SELP: variants seen among roughly 807,000 people sequenced by gnomAD.
The protein encoded by SELP is selectin P.
SELP carries 92 observed loss-of-function variants against 104.1 expected under a neutral mutation model. That is an observed-to-expected ratio of 0.88 (90% CI 0.75 to 1.05). The LOEUF (loss-of-function observed/expected upper bound fraction) is 1.05. SELP is among the 50% of genes least tolerant of loss of function. The probability of loss-of-function intolerance (pLI) is 0.00; values close to 1 mark genes in which losing one functional copy is unlikely to be tolerated. For synonymous variants in SELP, 397 were observed against 364.5 expected (o/e 1.09, Z -1.01); for missense variants, 1,022 against 1,017.3 (o/e 1.00, Z -0.06).
At chr1:169,603,313 G>C (rs200652707) in intron 9 of SELP, 102 bp from the exon 10 acceptor site, 10,578 of 224,074 alleles carry the variant, frequency 0.047, 212 homozygotes, top group East Asian at 0.16. Context: ...CTCTCTGTGT[G>C]TGTGTGTGTG....
chr1:169,591,510 A>G, intron 14 of SELP, 54 bp from the exon 15 acceptor site: 1 of 1,290,992 alleles, frequency 7.7e-7, no homozygotes, highest in Admixed American at 2.2e-5. Flanking sequence ...AACAAGATGA[A>G]AGAGAGGGTC....
intron 1 of SELP, among the ~76,000 whole-genome samples, chr1:169,619,518 A>G (rs1662987045): frequency 6.6e-6 from 1 of 152,232 alleles, no homozygotes; most frequent in Non-Finnish European, 1.5e-5. Context: ...TGTGTATGGA[A>G]GAAAGCTAAA....
At chr1:169,590,344 A>G in intron 15 of SELP, 142 bp from the exon 16 acceptor site, 1 of 662,282 alleles carries the variant, frequency 1.5e-6, no homozygotes, top group South Asian at 1.9e-5. Flanking sequence ...AATAAATGCC[A>G]AAGAAATATT....
intron 10 of SELP, among the ~76,000 whole-genome samples, chr1:169,600,863 G>T (rs1661872459): frequency 1.3e-5 from 2 of 152,178 alleles, no homozygotes; most frequent in South Asian, 4.1e-4. Context: ...ATCAGTCAAG[G>T]TTGATAATTC....
rs553026999 is a variant in SELP, at chr1:169,593,774, A to G, written c.2288-50T>C. On this transcript the variant is annotated intron_variant, in intron 13 of 16. Transcript: ENST00000263686. ...CAAGACATAAGAAGTGTATTATGCA[A>G]AAGACTAGTCTTTCTCTCCCAGAAA... The G allele has an allele frequency of 2.5e-6, 4 of 1,595,716 alleles. No homozygotes were observed. The East Asian group carries it at 9.0e-5, about 36-fold the overall frequency.
intron 11 of SELP, 37 bp from the exon 12 acceptor site, chr1:169,596,171 A>G (rs1157195659): frequency 5.7e-6 from 9 of 1,582,896 alleles, no homozygotes; most frequent in Non-Finnish European, 6.9e-6. Flanking sequence ...GAGACCTCCC[A>G]ATTAAAAGAA....
intron 5 of SELP, 119 bp from the exon 6 acceptor site, chr1:169,612,521 T>A: frequency 1.2e-6 from 1 of 867,988 alleles, no homozygotes; most frequent in Non-Finnish European, 1.8e-6. Context: ...GTTGATGCAC[T>A]AGAATGGTTA....
intron 16 of SELP, 54 bp downstream of exon 16, chr1:169,590,093 C>T: frequency 1.9e-5 from 23 of 1,197,160 alleles, no homozygotes; most frequent in Non-Finnish European, 1.2e-6. Flanking sequence ...TTATAGTCTT[C>T]CATTTTTCCC....
At chr1:169,625,909 T>A (rs1227737696) in intron 1 of SELP, among the ~76,000 whole-genome samples, 1 of 151,920 alleles carries the variant, frequency 6.6e-6, no homozygotes, top group East Asian at 1.9e-4. Flanking sequence ...CAAGTAAACA[T>A]GAAAAATATT....
At chr1:169,612,059 C>T (rs1402669094) in intron 6 of SELP, among the ~76,000 whole-genome samples, 158 bp downstream of exon 6, 3 of 152,092 alleles carry the variant, frequency 2.0e-5, no homozygotes, top group African/African-American at 4.8e-5. Context: ...TTTCCTTTCT[C>T]ATCTCAGATG....
At position 169,611,394 on chromosome 1, in the gene SELP, C is replaced by T. The variant is rs936474245; in HGVS notation, c.1147+98G>A. 3 of 1,266,762 alleles carry T rather than the reference C, an allele frequency of 2.4e-6. No homozygotes were observed. In the African/African-American group the frequency reaches 4.5e-5, roughly 19 times the overall value. The allele number at this position is 1,266,762 out of a possible 1,614,324, so 78.5% of individuals were successfully genotyped here. A position where few individuals can be genotyped will look rare whatever the true frequency, so the allele number is the denominator to read the frequency against. The stretch of plus-strand genomic sequence containing the variant: ...TGAAGAGCTTGCTCTAGTGCAAGAA[C>T]TTAGAAGAGATCACCCCGACACTGA... On this transcript the variant is annotated intron_variant, in intron 7 of 16. Coordinates refer to ENST00000263686, the MANE Select transcript of SELP (RefSeq NM_003005.4).
At chr1:169,605,486 TGG>T (rs1174461876) in intron 9 of SELP, among the ~76,000 whole-genome samples, 1 of 148,428 alleles carries the variant, frequency 6.7e-6, no homozygotes, top group Non-Finnish European at 1.5e-5. Flanking sequence ...GGTGTGTGTG[TGG>T]GGGGTGTGTG....
At chr1:169,610,709 G>A (rs995977083) in intron 7 of SELP, among the ~76,000 whole-genome samples, 5 of 152,096 alleles carry the variant, frequency 3.3e-5, no homozygotes, top group African/African-American at 1.2e-4. Flanking sequence ...AACCTGGGAG[G>A]CAGAGGTTGC....
Position 169,613,694 on chromosome 1 carries a change from C to T in SELP, c.482-1G>A. 1 of 1,613,274 alleles carries T rather than the reference C, an allele frequency of 6.2e-7. No homozygotes were observed. The highest frequency in any genetic ancestry group is 8.5e-7 in the Non-Finnish European group (1 of 1,179,316). ...CTGCAGGACATGTCCTGGCAGGAGG[C>T]TGCATAGATATGGAAAGGTCAGAGT... On this transcript the variant is annotated splice_acceptor_variant, in intron 3 of 16. Transcript: ENST00000263686. LOFTEE classifies it high-confidence loss of function.
At position 169,603,158 on chromosome 1, in the gene SELP, G is replaced by T. The variant is rs1234387086; in HGVS notation, c.1573C>A (p.Gln525Lys). The change falls in exon 10 of 17, where the codon CAA becomes AAA. Residue 525 changes from glutamine (Q) to lysine (K), a missense_variant. By Grantham distance (53) the Gln-to-Lys change is moderately conservative. Coordinates refer to ENST00000263686, the MANE Select transcript of SELP (RefSeq NM_003005.4). The stretch of plus-strand genomic sequence containing the variant: ...TTATAACTGGAACTTCCAAGAGGTT[G>T]AACACAGGTCATTGTTCCATTCTGA... ...SPQNGTMTCV[Q>K]PLGSSSYKST... 3 of 1,613,962 alleles carry T rather than the reference G, an allele frequency of 1.9e-6. No homozygotes were observed. The highest frequency in any genetic ancestry group is 2.2e-5 in the South Asian group (2 of 91,078).
chr1:169,621,136 A>G (rs1418222466), intron 1 of SELP, among the ~76,000 whole-genome samples: 1 of 59,772 alleles, frequency 1.7e-5, no homozygotes, highest in East Asian at 5.5e-4. Flanking sequence ...CCCAGTGATG[A>G]GATGTAGGGT....
chr1:169,621,134 T>C (rs1402598687), intron 1 of SELP, among the ~76,000 whole-genome samples: 1 of 89,548 alleles, frequency 1.1e-5, no homozygotes, highest in African/African-American at 4.6e-5. Context: ...ACCCCAGTGA[T>C]GAGATGTAGG....
At position 169,617,112 on chromosome 1, in the gene SELP, C is replaced by T; in HGVS notation, c.397G>A (p.Glu133Lys). The part of the protein sequence containing the change: ...NNKRNNEDCV[E>K]IYIKSPSAPG... ...GCTGACGGACTCTTGATGTATATCT[C>T]CACGCAGTCCTCGTTGTTCCTTTTG... Residue 133 changes from glutamate to lysine, a missense_variant, in exon 3 of 17, where the codon GAG becomes AAG. Coordinates refer to ENST00000263686, the MANE Select transcript of SELP (RefSeq NM_003005.4). The T allele has an allele frequency of 6.2e-7, 1 of 1,614,046 alleles. No homozygotes were observed. Among genetic ancestry groups the T allele is most frequent in the Non-Finnish European group, 8.5e-7 (1 of 1,179,990 alleles).
intron 9 of SELP, among the ~76,000 whole-genome samples, chr1:169,605,533 A>G (rs1029229165): frequency 2.6e-5 from 4 of 151,928 alleles, no homozygotes; most frequent in African/African-American, 9.7e-5. Context: ...TGTGACCTGA[A>G]TAGTGAGTGG....
Sources: allele counts gnomAD v4.1 joint callset (sites outside exome capture counted in the v4.1 genomes callset), GRCh38; gene constraint gnomAD v4.1.1; transcripts MANE v1.5; gene names NCBI Gene and HGNC (gene_info 2026-07-23, HGNC 2026-07-21).